PCDHA3: variants seen among roughly 807,000 people sequenced by gnomAD.
The protein encoded by PCDHA3 is protocadherin alpha-3.
Under a neutral mutation model 62.2 loss-of-function variants are expected in PCDHA3, and 41 were observed. That is an observed-to-expected ratio of 0.66 (90% CI 0.51 to 0.86). The LOEUF is 0.86. Among genes scored for constraint, PCDHA3 ranks in the 40% least tolerant of loss-of-function variants. The pLI is 0.00. For synonymous variants in PCDHA3, 640 were observed against 555.4 expected (o/e 1.15, Z -2.14); for missense variants, 1,304 against 1,241.2 (o/e 1.05, Z -0.76).
intron 1 of PCDHA3, chr5:140,822,260 G>A: frequency 6.2e-7 from 1 of 1,614,220 alleles, no homozygotes; most frequent in Non-Finnish European, 8.5e-7. Context: ...TTGGATATTG[G>A]AGCAAATGCA....
intron 1 of PCDHA3, chr5:140,967,546 C>T (rs199955615): frequency 6.8e-6 from 11 of 1,613,824 alleles, no homozygotes; most frequent in Non-Finnish European, 8.5e-6. Context: ...TTGACCAGTC[C>T]ACTTATCGCG....
chr5:140,997,559 T>A (rs550494855), intron 3 of PCDHA3, among the ~76,000 whole-genome samples: 2 of 152,148 alleles, frequency 1.3e-5, no homozygotes, highest in South Asian at 4.1e-4. Flanking sequence ...ACAGGACAAC[T>A]GTCATATGTG....
intron 1 of PCDHA3, chr5:140,836,001 G>C (rs2150250076): frequency 6.2e-7 from 1 of 1,613,350 alleles, no homozygotes; most frequent in Admixed American, 1.7e-5. Context: ...CGCGCGCGAT[G>C]CGGGCGTGCC....
At position 140,802,849 on chromosome 5, in the gene PCDHA3, T is replaced by C; in HGVS notation, c.1652T>C (p.Leu551Pro). ...CCGCCTCTGGGCAGCAACGTGACGC[T>C]GCAGGTGTTCGTGCTGGACGAGAAC... ...GVPPLGSNVT[L>P]QVFVLDENDN... The change falls in exon 1 of 4, where the codon CTG (leucine) becomes CCG (proline). Residue 551 changes from leucine to proline, a missense_variant. Coordinates refer to ENST00000522353, the MANE Select transcript of PCDHA3 (RefSeq NM_018906.3). The C allele has an allele frequency of 2.5e-6, 4 of 1,613,748 alleles. No individual in the cohort carries two copies. The highest frequency in any genetic ancestry group is 3.4e-6 in the Non-Finnish European group (4 of 1,179,912).
intron 1 of PCDHA3, chr5:140,808,053 T>G (rs1764088499): frequency 1.2e-6 from 2 of 1,614,034 alleles, no homozygotes; most frequent in Non-Finnish European, 1.7e-6. Flanking sequence ...TCGCCAAATG[T>G]GAAATCCAAG....
chr5:140,950,820 AG>A (rs1429119954), intron 1 of PCDHA3, among the ~76,000 whole-genome samples: 2 of 152,088 alleles, frequency 1.3e-5, no homozygotes, highest in Non-Finnish European at 2.9e-5. Context: ...GTAGGGTTAA[AG>A]TTTGGTCCTT....
intron 1 of PCDHA3, chr5:140,823,311 G>A (rs782814262): frequency 6.2e-7 from 1 of 1,612,232 alleles, no homozygotes; most frequent in Non-Finnish European, 8.5e-7. Flanking sequence ...TGCACGCGGA[G>A]AGCGGCAAGG....
At position 140,836,458 on chromosome 5, in the gene PCDHA3, A is replaced by T. The variant is rs2150261468; in HGVS notation, c.2394+32867A>T. 14 of 1,613,642 alleles carry T rather than the reference A, an allele frequency of 8.7e-6. No homozygotes were observed. In the African/African-American group the frequency reaches 1.7e-4, roughly 20 times the overall value. On this transcript the variant is annotated intron_variant, in intron 1 of 3. Coordinates refer to ENST00000522353, the MANE Select transcript of PCDHA3 (RefSeq NM_018906.3). ...TTGGGCATTGCAGGCCCAGAGACCGAGCTGGTGGATGTCAACGTGTACCTG... is the reference window on the plus strand; with the variant it reads ...TTGGGCATTGCAGGCCCAGAGACCGTGCTGGTGGATGTCAACGTGTACCTG...
chr5:140,877,255 C>A (rs1554169516), intron 1 of PCDHA3: 2 of 1,613,708 alleles, frequency 1.2e-6, no homozygotes, highest in Non-Finnish European at 8.5e-7. Flanking sequence ...GGCGAAAGTG[C>A]GCGCGGTGGA....
At chr5:140,884,908 T>C (rs1056953779) in intron 1 of PCDHA3, among the ~76,000 whole-genome samples, 1 of 152,234 alleles carries the variant, frequency 6.6e-6, no homozygotes, top group Admixed American at 6.5e-5. Flanking sequence ...TGTTGTATTC[T>C]TAATAGTTCT....
rs141068049 is a variant in PCDHA3, at chr5:140,842,535, A to C, written c.2394+38944A>C. 7.4e-6 allele frequency: 12 copies of C among 1,612,482 alleles called. 1 individual carries two copies. The highest frequency in any genetic ancestry group is 1.0e-5 in the Non-Finnish European group (12 of 1,178,836). On this transcript the variant is annotated intron_variant, in intron 1 of 3. Coordinates refer to ENST00000522353, the MANE Select transcript of PCDHA3 (RefSeq NM_018906.3). ...CTGGTGTCCACCTTCAAGAATTACT[A>C]CTCGTTGGTGCTGGACAGCGCCCTG... is the stretch of plus-strand genomic sequence containing the variant.
At chr5:141,004,839 C>G (rs1168305271) in intron 3 of PCDHA3, among the ~76,000 whole-genome samples, 1 of 152,168 alleles carries the variant, frequency 6.6e-6, no homozygotes, top group Non-Finnish European at 1.5e-5. Context: ...AGATCAAAGT[C>G]ATTAGTCTCA....
intron 1 of PCDHA3, chr5:140,842,659 C>T: frequency 6.9e-6 from 11 of 1,595,302 alleles, no homozygotes; most frequent in African/African-American, 1.3e-5. Context: ...TGGAGGTGGC[C>T]GACGTGAACG....
chr5:140,966,539 T>TCGGAGGCGAG (rs2096018089), intron 1 of PCDHA3: 1 of 462,064 alleles, frequency 2.2e-6, no homozygotes, highest in Non-Finnish European at 3.7e-6. Flanking sequence ...GTTGAGCGAC[T>TCGGAGGCGAG]CGGAGGCGAG....
chr5:140,886,413 C>T (rs1465937681), intron 1 of PCDHA3, among the ~76,000 whole-genome samples: 1 of 152,042 alleles, frequency 6.6e-6, no homozygotes, highest in Non-Finnish European at 1.5e-5. Flanking sequence ...ATGTTTTCCT[C>T]CTATATTATT....
chr5:140,822,679 A>G (rs1248673178), intron 1 of PCDHA3: 1 of 1,609,904 alleles, frequency 6.2e-7, no homozygotes, highest in Non-Finnish European at 8.5e-7. Context: ...TGGTGAAATA[A>G]AAGTTAACGG....
intron 1 of PCDHA3, chr5:140,836,319 C>G (rs577271797): frequency 1.2e-6 from 2 of 1,613,720 alleles, no homozygotes; most frequent in Middle Eastern, 1.6e-4. Context: ...ACCGCGCCAC[C>G]GCCTTCTGGT....
In PCDHA3 at chr5:140,857,722, C is replaced by A. The variant is rs371525843; in HGVS notation, c.2394+54131C>A. The A allele has an allele frequency of 6.9e-6, 11 of 1,597,318 alleles. 1 individual carries two copies. Among genetic ancestry groups the A allele is most frequent in the Non-Finnish European group, 9.4e-6 (11 of 1,167,728 alleles). On this transcript the variant is annotated intron_variant, in intron 1 of 3. Coordinates refer to ENST00000522353, the MANE Select transcript of PCDHA3 (RefSeq NM_018906.3). ...TGCAGGTGTTCGTGCTGGACGAGAA[C>A]GACAACGCTCCCGCGCTGCTGGCGT... is the stretch of plus-strand genomic sequence containing the variant.
intron 3 of PCDHA3, among the ~76,000 whole-genome samples, chr5:140,985,145 G>A (rs2097138679): frequency 6.6e-6 from 1 of 152,080 alleles, no homozygotes; most frequent in South Asian, 2.1e-4. Context: ...CACCGTGTTA[G>A]CCAGGATTGT....
Sources: gnomAD v4.1 joint callset for allele counts (sites outside exome capture counted in the v4.1 genomes callset) on GRCh38, gnomAD v4.1.1 for gene constraint, MANE v1.5 for transcripts, NCBI Gene and HGNC (gene_info 2026-07-23, HGNC 2026-07-21) for gene names.